The following SPDYE10 variants were observed in gnomAD, a reference collection of about 807,000 sequenced individuals.
SPDYE10 encodes speedy/RINGO cell cycle regulator family member E10, also known as speedy protein E10.
the SPDYE10 span, among the ~76,000 whole-genome samples, chr7:73,113,600 C>A: frequency 1.3e-5 from 2 of 150,290 alleles, no homozygotes; most frequent in African/African-American, 4.9e-5. Context: ...ATCCAAAGAA[C>A]CTGTGGGTTC....
At chr7:73,150,907 A>AAAATAT in the SPDYE10 span, among the ~76,000 whole-genome samples, 14 of 11,562 alleles carry the variant, frequency 1.2e-3, no homozygotes, top group Non-Finnish European at 1.7e-3. Flanking sequence ...AAAAAAAAAA[A>AAAATAT]ATATATATAT....
chr7:73,114,988 C>T, the SPDYE10 span, among the ~76,000 whole-genome samples: 5 of 152,276 alleles, frequency 3.3e-5, no homozygotes, highest in African/African-American at 1.2e-4. Context: ...CCTCCGCCTC[C>T]CGGGTTCAAG....
chr7:73,123,752 C>G, the SPDYE10 span, among the ~76,000 whole-genome samples: 2 of 142,804 alleles, frequency 1.4e-5, no homozygotes, highest in Non-Finnish European at 3.0e-5. Context: ...GCCACTGCGC[C>G]TGGCCATTTC....
At chr7:73,115,300 G>A in the SPDYE10 span, among the ~76,000 whole-genome samples, 61 of 152,198 alleles carry the variant, frequency 4.0e-4, no homozygotes, top group Admixed American at 7.8e-4. Flanking sequence ...AACATTTTCC[G>A]TCCCAAGTCC....
the SPDYE10 span, among the ~76,000 whole-genome samples, chr7:73,114,027 C>CAA: frequency 9.2e-5 from 7 of 75,862 alleles, no homozygotes; most frequent in Admixed American, 3.0e-4. Context: ...GACTCCGTCT[C>CAA]AAAAAAAAAA....
At chr7:73,117,324 CG>C in the SPDYE10 span, among the ~76,000 whole-genome samples, 1 of 95,126 alleles carries the variant, frequency 1.1e-5, no homozygotes, top group Non-Finnish European at 2.0e-5. Flanking sequence ...TTGATCCACC[CG>C]CCTCGGCCTC....
chr7:73,124,942 G>GAAAT, the SPDYE10 span, among the ~76,000 whole-genome samples: 99 of 127,940 alleles, frequency 7.7e-4, 1 homozygote, highest in African/African-American at 3.0e-3. Flanking sequence ...AATAAATAAA[G>GAAAT]AAATAAAATC....
At chr7:73,134,734 C>T in the SPDYE10 span, among the ~76,000 whole-genome samples, 1 of 152,246 alleles carries the variant, frequency 6.6e-6, no homozygotes, top group Non-Finnish European at 1.5e-5. Flanking sequence ...TGGTGGCATG[C>T]ACCTGTATTT....
chr7:73,149,295 T>TGGG, the SPDYE10 span, among the ~76,000 whole-genome samples: 1 of 98,216 alleles, frequency 1.0e-5, no homozygotes, highest in Non-Finnish European at 2.2e-5. Flanking sequence ...AGCTATTTTT[T>TGGG]GGGGGGGCGG....
chr7:73,115,606 G>A, the SPDYE10 span, among the ~76,000 whole-genome samples: 5 of 130,484 alleles, frequency 3.8e-5, no homozygotes, highest in South Asian at 7.8e-4. Flanking sequence ...GTGGGTTTGC[G>A]ATGTTTGGGA....
chr7:73,137,630 G>GAAAGAAAGA, the SPDYE10 span, among the ~76,000 whole-genome samples: 138 of 136,600 alleles, frequency 1.0e-3, no homozygotes, highest in Non-Finnish European at 1.3e-3. Context: ...AAGAAAGAAA[G>GAAAGAAAGA]AAAGAAAGAA....
At chr7:73,123,788 C>CCTCTCTCCCTCT in the SPDYE10 span, among the ~76,000 whole-genome samples, 1 of 97,450 alleles carries the variant, frequency 1.0e-5, no homozygotes, top group African/African-American at 5.1e-5. Flanking sequence ...TCTCTCTCTC[C>CCTCTCTCCCTCT]CTCTCTCTCT....
the SPDYE10 span, among the ~76,000 whole-genome samples, chr7:73,114,508 C>G: frequency 6.7e-6 from 1 of 150,360 alleles, no homozygotes; most frequent in African/African-American, 2.4e-5. Flanking sequence ...TAAATCAGAT[C>G]ATGTCACTCT....
chr7:73,117,733 G>A, the SPDYE10 span, among the ~76,000 whole-genome samples: 3 of 148,624 alleles, frequency 2.0e-5, no homozygotes, highest in Non-Finnish European at 3.0e-5. Flanking sequence ...GTCTACTTTT[G>A]TAAATGTTTA....
the SPDYE10 span, among the ~76,000 whole-genome samples, chr7:73,150,943 TA>T: frequency 1.0e-3 from 18 of 17,820 alleles, no homozygotes; most frequent in South Asian, 2.7e-3. Context: ...TATATATATA[TA>T]TATATTTTTT....
the SPDYE10 span, among the ~76,000 whole-genome samples, chr7:73,120,760 C>T: frequency 6.7e-6 from 1 of 149,678 alleles, no homozygotes; most frequent in African/African-American, 2.5e-5. Flanking sequence ...TGCACTCCAG[C>T]CTGGGCAACA....
At chr7:73,134,581 G>C in the SPDYE10 span, among the ~76,000 whole-genome samples, 2 of 152,134 alleles carry the variant, frequency 1.3e-5, no homozygotes, top group African/African-American at 2.4e-5. Context: ...GTGCAGGCAG[G>C]ACAGGCATAA....
chr7:73,104,485 T>A, the SPDYE10 span: 1 of 101,926 alleles, frequency 9.8e-6, no homozygotes, highest in Non-Finnish European at 2.1e-5. Flanking sequence ...CCAAAATATT[T>A]AAAATAATAT....
the SPDYE10 span, among the ~76,000 whole-genome samples, chr7:73,113,951 A>G: frequency 7.6e-4 from 115 of 151,660 alleles, no homozygotes; most frequent in African/African-American, 2.6e-3. Context: ...GCGTGAACCC[A>G]GGAGGCGGCA....
Sources: allele counts gnomAD v4.1 joint callset (sites outside exome capture counted in the v4.1 genomes callset), GRCh38; gene constraint gnomAD v4.1.1; transcripts MANE v1.5; gene names NCBI Gene and HGNC (gene_info 2026-07-23, HGNC 2026-07-21).